The following IL1RAPL1 variants were observed in gnomAD, a reference collection of about 807,000 sequenced individuals.
IL1RAPL1 encodes the protein interleukin 1 receptor accessory protein like 1.
A neutral mutation model predicts 48.4 loss-of-function variants in IL1RAPL1; 3 were observed. That is an observed-to-expected ratio of 0.06 (90% CI 0.03 to 0.16). IL1RAPL1 has a LOEUF of 0.16. Ranked by LOEUF, IL1RAPL1 falls within the 10% of genes least tolerant of loss-of-function variation. IL1RAPL1 has a pLI of 1.00. For synonymous variants in IL1RAPL1, 185 were observed against 187.7 expected (o/e 0.99, Z 0.12); for missense variants, 349 against 530.6 (o/e 0.66, Z 3.36).
intron 3 of IL1RAPL1, among the ~76,000 whole-genome samples, chrX:29,391,035 G>A (rs375125264): frequency 9.0e-6 from 1 of 110,655 alleles, no homozygotes; most frequent in East Asian, 2.8e-4. Context: ...TTAGCCTGGC[G>A]TGGTAGCATG....
intron 6 of IL1RAPL1, among the ~76,000 whole-genome samples, chrX:29,895,967 G>A (rs752619517): frequency 2.2e-4 from 25 of 111,954 alleles, no homozygotes; most frequent in Non-Finnish European, 4.1e-4. Context: ...CCCTAGGTGC[G>A]TGGAGGGAGT....
intron 2 of IL1RAPL1, among the ~76,000 whole-genome samples, chrX:29,095,834 G>T (rs1269345817): frequency 1.9e-5 from 2 of 107,652 alleles, no homozygotes; most frequent in Non-Finnish European, 3.8e-5. Context: ...TAAGGGCCAT[G>T]TGTTGTATTT....
At chrX:29,852,337 AG>A (rs1314877641) in intron 6 of IL1RAPL1, among the ~76,000 whole-genome samples, 3 of 112,201 alleles carry the variant, frequency 2.7e-5, no homozygotes, top group Non-Finnish European at 3.8e-5. Context: ...AGAAAAAAAA[AG>A]TGTTAAGGGG....
Position 29,319,364 on chromosome X carries a change from A to ATTTTTTTT in IL1RAPL1, c.362+36160_362+36167dup, listed in dbSNP as rs762918998. ...ACCCCACTGCATGTAGATAAATTTA[A>ATTTTTTTT]TTTTTTTTTTTTTTTTTTTTGTAGA... On this transcript the variant is annotated intron_variant, in intron 3 of 10. Transcript: ENST00000378993. 1.9e-3 allele frequency among the ~76,000 whole-genome samples: 112 copies of ATTTTTTTT among 58,126 alleles called. 8 individuals are homozygous for ATTTTTTTT. Among genetic ancestry groups the ATTTTTTTT allele is most frequent in the African/African-American group, 7.4e-3 (101 of 13,666 alleles). 50.5% of individuals were successfully genotyped at this position (58,126 alleles called of 115,157 possible).
chrX:28,879,000 AT>A (rs1922441338), intron 2 of IL1RAPL1, among the ~76,000 whole-genome samples: 1 of 107,197 alleles, frequency 9.3e-6, no homozygotes, highest in Admixed American at 1.0e-4. Context: ...TAGTAAAAAA[AT>A]CAAACTCATA....
At chrX:29,128,891 G>A (rs1403261494) in intron 2 of IL1RAPL1, among the ~76,000 whole-genome samples, 3 of 111,193 alleles carry the variant, frequency 2.7e-5, no homozygotes, top group African/African-American at 9.8e-5. Context: ...TATATTTGGT[G>A]CTGAGTCCTG....
At chrX:28,708,128 C>T (rs1212436808) in intron 1 of IL1RAPL1, among the ~76,000 whole-genome samples, 1 of 111,462 alleles carries the variant, frequency 9.0e-6, no homozygotes. Context: ...GGAATTAAGG[C>T]AAGTAGCCCT....
chrX:29,676,293 T>C (rs1484060938), intron 6 of IL1RAPL1, among the ~76,000 whole-genome samples: 1 of 112,413 alleles, frequency 8.9e-6, no homozygotes, highest in African/African-American at 3.2e-5. Flanking sequence ...TTTGAGACAT[T>C]TGAATGCTGT....
chrX:28,881,241 A>G (rs1286192289), intron 2 of IL1RAPL1, among the ~76,000 whole-genome samples: 2 of 111,917 alleles, frequency 1.8e-5, no homozygotes, highest in African/African-American at 6.5e-5. Context: ...GTTTGTTTTC[A>G]GCCAGTAAGT....
chrX:29,688,728 T>TTCTCTCTCTCTCTC (rs71811113), intron 6 of IL1RAPL1, among the ~76,000 whole-genome samples: 1 of 74,786 alleles, frequency 1.3e-5, no homozygotes, highest in African/African-American at 4.6e-5. Flanking sequence ...TCAGGGTTGC[T>TTCTCTCTCTCTCTC]TCTCTCTCTC....
intron 5 of IL1RAPL1, among the ~76,000 whole-genome samples, chrX:29,515,075 C>T (rs1031834616): frequency 2.7e-5 from 3 of 112,290 alleles, no homozygotes; most frequent in Non-Finnish European, 5.6e-5. Flanking sequence ...TGTAATAATT[C>T]TCAGTCAATT....
intron 2 of IL1RAPL1, among the ~76,000 whole-genome samples, chrX:29,077,204 G>A (rs1246712012): frequency 8.9e-6 from 1 of 112,499 alleles, no homozygotes; most frequent in Non-Finnish European, 1.9e-5. Context: ...ACACAATAAG[G>A]TTATTCTATT....
chrX:29,635,520 A>G (rs1173316645), intron 5 of IL1RAPL1, among the ~76,000 whole-genome samples: 1 of 112,052 alleles, frequency 8.9e-6, no homozygotes, highest in Non-Finnish European at 1.9e-5. Flanking sequence ...CAAGTTCTCA[A>G]AAAACATAAC....
chrX:29,803,104 CAT>C (rs1370152703), intron 6 of IL1RAPL1, among the ~76,000 whole-genome samples: 4 of 88,572 alleles, frequency 4.5e-5, no homozygotes, highest in South Asian at 1.0e-3. Flanking sequence ...TACATGTATA[CAT>C]ATATGTATAT....
At chrX:28,763,976 T>G (rs764121381) in intron 1 of IL1RAPL1, among the ~76,000 whole-genome samples, 1 of 110,761 alleles carries the variant, frequency 9.0e-6, no homozygotes, top group Non-Finnish European at 1.9e-5. Context: ...GTATGCCCTA[T>G]TTTCATATTT....
chrX:28,668,752 G>A (rs980749389), intron 1 of IL1RAPL1, among the ~76,000 whole-genome samples: 3 of 111,630 alleles, frequency 2.7e-5, no homozygotes, highest in Non-Finnish European at 3.8e-5. Flanking sequence ...GTTGGAAAAC[G>A]CTTGCTTTAG....
At chrX:28,944,432 A>C (rs1197204813) in intron 2 of IL1RAPL1, among the ~76,000 whole-genome samples, 1 of 111,139 alleles carries the variant, frequency 9.0e-6, no homozygotes, top group African/African-American at 3.3e-5. Flanking sequence ...ATGCAGTTGA[A>C]GTTTAAATGA....
intron 1 of IL1RAPL1, among the ~76,000 whole-genome samples, chrX:28,758,301 C>G (rs1218238296): frequency 1.8e-5 from 2 of 111,203 alleles, no homozygotes; most frequent in Non-Finnish European, 3.8e-5. Context: ...TCTAGATAAC[C>G]AGGATGATGA....
At chrX:28,988,788 G>T (rs1208590800) in intron 2 of IL1RAPL1, among the ~76,000 whole-genome samples, 2 of 112,026 alleles carry the variant, frequency 1.8e-5, no homozygotes, top group Non-Finnish European at 3.8e-5. Flanking sequence ...TCAAGATGGA[G>T]ATATTGATAT....
Sources: gnomAD v4.1 joint callset for allele counts (sites outside exome capture counted in the v4.1 genomes callset) on GRCh38, gnomAD v4.1.1 for gene constraint, MANE v1.5 for transcripts, NCBI Gene and HGNC (gene_info 2026-07-23, HGNC 2026-07-21) for gene names.